PRKCB: variants seen among roughly 807,000 people sequenced by gnomAD.
PRKCB encodes the protein protein kinase C beta type.
PRKCB carries 13 observed loss-of-function variants against 81.5 expected under a neutral mutation model. That is an observed-to-expected ratio of 0.16 (90% CI 0.10 to 0.25). The LOEUF is 0.25. PRKCB is among the 10% of genes least tolerant of loss of function. The probability of loss-of-function intolerance (pLI) is 1.00; values close to 1 mark genes in which losing one functional copy is unlikely to be tolerated. For missense variants in PRKCB, 509 were observed against 875.7 expected, an observed-to-expected ratio of 0.58 and a Z score of 5.29; for synonymous variants, 335 against 321.4, an observed-to-expected ratio of 1.04 and a Z score of -0.45.
chr16:24,123,643 G>A (rs923089790), intron 8 of PRKCB, among the ~76,000 whole-genome samples, 192 bp from the exon 9 acceptor site: 1 of 152,008 alleles, frequency 6.6e-6, no homozygotes, highest in South Asian at 2.1e-4. Flanking sequence ...GAGACATGAG[G>A]GATAAAAGAA....
intron 5 of PRKCB, among the ~76,000 whole-genome samples, chr16:24,035,894 G>T (rs1567352204): frequency 6.6e-6 from 1 of 152,098 alleles, no homozygotes; most frequent in Non-Finnish European, 1.5e-5. Flanking sequence ...AATCTTTTGG[G>T]ATGGGTAGTT....
intron 9 of PRKCB, among the ~76,000 whole-genome samples, chr16:24,148,326 C>T (rs1159991266): frequency 6.6e-6 from 1 of 152,170 alleles, no homozygotes; most frequent in Non-Finnish European, 1.5e-5. Flanking sequence ...GCAATGTGTA[C>T]TTCTGTTTCA....
intron 2 of PRKCB, among the ~76,000 whole-genome samples, chr16:23,948,507 G>A (rs1447909475): frequency 6.6e-6 from 1 of 152,156 alleles, no homozygotes; most frequent in African/African-American, 2.4e-5. Context: ...GGGTTCAAGC[G>A]AGTCTCATGC....
At chr16:24,111,640 G>A (rs201897848) in intron 7 of PRKCB, among the ~76,000 whole-genome samples, 17 of 146,450 alleles carry the variant, frequency 1.2e-4, no homozygotes, top group South Asian at 2.2e-4. Context: ...AGAAAAAAAA[G>A]AAAAAAAAAA....
intron 16 of PRKCB, among the ~76,000 whole-genome samples, chr16:24,191,886 C>T (rs566561744): frequency 6.6e-6 from 1 of 152,346 alleles, no homozygotes; most frequent in Non-Finnish European, 1.5e-5. Context: ...GGAAGGTTTT[C>T]TATCCCCAAA....
chr16:23,944,683 GT>G (rs1402050504), intron 2 of PRKCB, among the ~76,000 whole-genome samples: 1 of 152,180 alleles, frequency 6.6e-6, no homozygotes, highest in Non-Finnish European at 1.5e-5. Context: ...GCCACTTTGG[GT>G]GGCTGGAAAA....
Position 24,013,898 on chromosome 16 carries a change from G to A in PRKCB, c.289-18238G>A, listed in dbSNP as rs144105368. 9.9e-5 allele frequency among the ~76,000 whole-genome samples: 15 copies of A among 152,144 alleles called. No homozygotes were observed. In the East Asian group the frequency reaches 2.5e-3, roughly 26 times the overall value. ...CAGGGTCATTGTTTCTAGCGGTCAT[G>A]AGGATCAGAGCCTGCCTGGACTTGC... On this transcript the variant is annotated intron_variant, in intron 3 of 16. Coordinates refer to ENST00000643927, the MANE Select transcript of PRKCB (RefSeq NM_002738.7).
At chr16:23,990,110 G>A (rs971625687) in intron 3 of PRKCB, among the ~76,000 whole-genome samples, 2 of 152,166 alleles carry the variant, frequency 1.3e-5, no homozygotes, top group African/African-American at 2.4e-5. Context: ...ATGCTGATGA[G>A]CTGTTGATAC....
At chr16:23,973,691 C>CT (rs1165500458) in intron 2 of PRKCB, among the ~76,000 whole-genome samples, 2 of 150,102 alleles carry the variant, frequency 1.3e-5, no homozygotes, top group African/African-American at 4.9e-5. Context: ...TATTTTTTTT[C>CT]TTTTTTTGAG....
chr16:24,137,102 T>C (rs572779549), intron 9 of PRKCB, among the ~76,000 whole-genome samples: 11 of 151,786 alleles, frequency 7.2e-5, no homozygotes, highest in Non-Finnish European at 1.2e-4. Flanking sequence ...TTGGCCAGGC[T>C]AGTCTTGAAC....
At chr16:24,178,763 A>C (rs1967574312) in intron 12 of PRKCB, among the ~76,000 whole-genome samples, 1 of 152,194 alleles carries the variant, frequency 6.6e-6, no homozygotes, top group Admixed American at 6.5e-5. Context: ...GGACCTCCCC[A>C]TCCCTTTGAA....
Position 24,180,652 on chromosome 16 carries a change from G to A in PRKCB, c.1395-138G>A, listed in dbSNP as rs1192894555. The A allele has an allele frequency of 7.2e-6, 7 of 972,130 alleles. No homozygotes were observed. The Admixed American group carries it at 7.3e-5, about 10-fold the overall frequency. The allele number at this position is 972,130 out of a possible 1,614,324, so 60.2% of individuals were successfully genotyped here. A position where few individuals can be genotyped will look rare whatever the true frequency, so the allele number is the denominator to read the frequency against. On this transcript the variant is annotated intron_variant, in intron 12 of 16. Coordinates refer to ENST00000643927, the MANE Select transcript of PRKCB (RefSeq NM_002738.7). The stretch of plus-strand genomic sequence containing the variant: ...CTCCCTGCCAGACTGTAAGCTGTTG[G>A]AGGTCAAAGGCTGGTTTCTACTGAC...
intron 10 of PRKCB, among the ~76,000 whole-genome samples, chr16:24,162,321 A>T (rs1286478738): frequency 2.6e-5 from 4 of 151,870 alleles, no homozygotes; most frequent in African/African-American, 9.7e-5. Flanking sequence ...ACTTAAGGGC[A>T]TTGCTGCAGG....
At chr16:23,937,272 G>A (rs1302380273) in intron 2 of PRKCB, among the ~76,000 whole-genome samples, 1 of 152,198 alleles carries the variant, frequency 6.6e-6, no homozygotes, top group African/African-American at 2.4e-5. Context: ...GTGCACTGAA[G>A]TTTCAGAACC....
chr16:23,849,682 C>T (rs1267357019), intron 2 of PRKCB, among the ~76,000 whole-genome samples: 1 of 101,018 alleles, frequency 9.9e-6, no homozygotes, highest in Non-Finnish European at 2.2e-5. Flanking sequence ...CTTTTGGTGG[C>T]TAGCTTTTTT....
chr16:23,844,864 C>T (rs769929047), intron 2 of PRKCB, among the ~76,000 whole-genome samples: 10 of 150,062 alleles, frequency 6.7e-5, no homozygotes, highest in Non-Finnish European at 1.2e-4. Flanking sequence ...TGCAGTAGTA[C>T]GATCTTGGTT....
At chr16:24,109,730 CG>C (rs1966646022) in intron 7 of PRKCB, among the ~76,000 whole-genome samples, 1 of 135,606 alleles carries the variant, frequency 7.4e-6, no homozygotes, top group Non-Finnish European at 1.5e-5. Flanking sequence ...GCTGCAATCT[CG>C]GCACTTTGGG....
In PRKCB at chr16:24,153,855, C is replaced by T. The variant is rs556359573; in HGVS notation, c.1066-829C>T. The stretch of plus-strand genomic sequence containing the variant: ...CTCTCTGGAGTTAAGGGTCAGAGAA[C>T]GTGCTTGTTTCTTTATTGCTGTATC... On this transcript the variant is annotated intron_variant, in intron 9 of 16. Transcript: ENST00000643927. Among the ~76,000 whole-genome samples the T allele has an allele frequency of 1.8e-4, 27 of 152,288 alleles. No individual in the cohort carries two copies. The South Asian group carries it at 2.3e-3, about 13-fold the overall frequency.
intron 2 of PRKCB, among the ~76,000 whole-genome samples, chr16:23,929,942 T>C (rs1054603209): frequency 1.3e-5 from 2 of 151,584 alleles, no homozygotes; most frequent in African/African-American, 4.8e-5. Context: ...ATGTGACTCT[T>C]CCCCCGGGAC....
Sources: gnomAD v4.1 joint callset for allele counts (sites outside exome capture counted in the v4.1 genomes callset) on GRCh38, gnomAD v4.1.1 for gene constraint, MANE v1.5 for transcripts, NCBI Gene and HGNC (gene_info 2026-07-23, HGNC 2026-07-21) for gene names.